The following GNG12 variants were observed in gnomAD, a reference collection of about 807,000 sequenced individuals.
The protein encoded by GNG12 is G protein subunit gamma 12.
For synonymous variants in GNG12, 28 were observed against 29.7 expected, an observed-to-expected ratio of 0.94 and a Z score of 0.19; for missense variants, 69 against 83.8, an observed-to-expected ratio of 0.82 and a Z score of 0.69.
chr1:67,798,961 TATAAATAA>T (rs34151514), intron 1 of GNG12, among the ~76,000 whole-genome samples: 14 of 150,784 alleles, frequency 9.3e-5, no homozygotes, highest in South Asian at 2.1e-4. Context: ...ACAAAAAAAA[TATAAATAA>T]ATAAATAAAT....
At chr1:67,768,238 A>G (rs981804077) in intron 2 of GNG12, among the ~76,000 whole-genome samples, 3 of 152,228 alleles carry the variant, frequency 2.0e-5, no homozygotes, top group Non-Finnish European at 4.4e-5. Context: ...ATTGATGCAG[A>G]AATTGAGGCT....
chr1:67,825,021 G>C (rs1647003926), intron 1 of GNG12, among the ~76,000 whole-genome samples: 1 of 152,190 alleles, frequency 6.6e-6, no homozygotes, highest in South Asian at 2.1e-4. Context: ...TTTGCTCTTG[G>C]ATAAAGCATG....
intron 1 of GNG12, among the ~76,000 whole-genome samples, chr1:67,826,410 C>A (rs1647011114): frequency 6.6e-6 from 1 of 152,224 alleles, no homozygotes; most frequent in South Asian, 2.1e-4. Flanking sequence ...GTGCAGTGAA[C>A]AACCTGTATA....
chr1:67,780,457 C>A (rs960099477), intron 1 of GNG12, among the ~76,000 whole-genome samples: 6 of 152,154 alleles, frequency 3.9e-5, no homozygotes, highest in African/African-American at 1.4e-4. Flanking sequence ...TCTCCCCCAA[C>A]AGGTTTGCAG....
At chr1:67,778,375 A>G (rs1046153926) in intron 1 of GNG12, among the ~76,000 whole-genome samples, 3 of 152,190 alleles carry the variant, frequency 2.0e-5, no homozygotes, top group Non-Finnish European at 4.4e-5. Flanking sequence ...CATACTAGAC[A>G]GCACAGGTCT....
intron 2 of GNG12, among the ~76,000 whole-genome samples, chr1:67,771,019 G>A (rs1333857507): frequency 6.6e-6 from 1 of 152,208 alleles, no homozygotes; most frequent in East Asian, 1.9e-4. Flanking sequence ...GATACAGAGA[G>A]AGAGAGAGAG....
intron 2 of GNG12, among the ~76,000 whole-genome samples, chr1:67,727,960 CCT>C (rs1314032811): frequency 6.6e-6 from 1 of 152,170 alleles, no homozygotes; most frequent in East Asian, 1.9e-4. Flanking sequence ...AGTTGCTTCT[CCT>C]CTTTTTAGTG....
At chr1:67,708,994 C>CCA (rs1646265813) in intron 2 of GNG12, among the ~76,000 whole-genome samples, 1 of 152,232 alleles carries the variant, frequency 6.6e-6, no homozygotes, top group Admixed American at 6.5e-5. Flanking sequence ...CCACGGTGCT[C>CCA]CACACTGAGT....
chr1:67,730,796 C>G (rs1476597222), intron 2 of GNG12, among the ~76,000 whole-genome samples: 3 of 152,210 alleles, frequency 2.0e-5, no homozygotes, highest in Non-Finnish European at 2.9e-5. Flanking sequence ...AACTGTTGCA[C>G]TAAATGCAAC....
intron 1 of GNG12, chr1:67,832,190 G>A (rs372344225): frequency 6.6e-6 from 1 of 152,172 alleles, no homozygotes; most frequent in African/African-American, 2.4e-5. Context: ...ACTCCACACG[G>A]TCTAATAAAT....
At chr1:67,723,900 A>G (rs1259455983) in intron 2 of GNG12, among the ~76,000 whole-genome samples, 1 of 152,254 alleles carries the variant, frequency 6.6e-6, no homozygotes, top group Admixed American at 6.5e-5. Context: ...AAAAGGAAGT[A>G]GAGGGCAAGA....
chr1:67,785,479 T>C (rs1646762565), intron 1 of GNG12, among the ~76,000 whole-genome samples: 1 of 152,128 alleles, frequency 6.6e-6, no homozygotes, highest in Admixed American at 6.6e-5. Flanking sequence ...TCACAGATAT[T>C]TGGGAATGTG....
At chr1:67,735,255 C>T (rs544481435) in intron 2 of GNG12, among the ~76,000 whole-genome samples, 6 of 152,308 alleles carry the variant, frequency 3.9e-5, no homozygotes, top group South Asian at 4.1e-4. Flanking sequence ...ACTTCTTTCA[C>T]GCAAGACTTC....
At chr1:67,720,733 A>C (rs186844444) in intron 2 of GNG12, among the ~76,000 whole-genome samples, 82 of 152,354 alleles carry the variant, frequency 5.4e-4, no homozygotes, top group Non-Finnish European at 9.7e-4. Context: ...CAAATAATTT[A>C]AACAGTCTAA....
chr1:67,781,641 T>C (rs1328608265), intron 1 of GNG12, among the ~76,000 whole-genome samples: 1 of 152,050 alleles, frequency 6.6e-6, no homozygotes, highest in Non-Finnish European at 1.5e-5. Flanking sequence ...GAAGAGGCAA[T>C]AGTGAACAAA....
In GNG12 at chr1:67,727,530, C is replaced by T. The variant is rs11801504; in HGVS notation, c.-26-19818G>A. Among the ~76,000 whole-genome samples, 127 of 152,238 alleles carry T rather than the reference C, an allele frequency of 8.3e-4. 1 individual carries two copies. Among genetic ancestry groups the T allele is most frequent in the African/African-American group, 3.0e-3 (124 of 41,518 alleles). ...GTCAGCATTTACAAATGAGCAGATC[C>T]GGCATTCGCATGATCTCTGGATGCA... is the stretch of plus-strand genomic sequence containing the variant. On this transcript the variant is annotated intron_variant, in intron 2 of 3. Transcript: ENST00000370982.
chr1:67,822,480 T>G (rs1646989902), intron 1 of GNG12, among the ~76,000 whole-genome samples: 1 of 152,126 alleles, frequency 6.6e-6, no homozygotes. Context: ...AAGCTGACAC[T>G]GCAGTGAGGT....
At chr1:67,726,415 A>G (rs1282310479) in intron 2 of GNG12, among the ~76,000 whole-genome samples, 1 of 152,228 alleles carries the variant, frequency 6.6e-6, no homozygotes, top group Non-Finnish European at 1.5e-5. Flanking sequence ...ATTCTTTTTC[A>G]TAATTCAGGA....
chr1:67,823,241 T>G (rs533204548), intron 1 of GNG12, among the ~76,000 whole-genome samples: 2 of 152,354 alleles, frequency 1.3e-5, no homozygotes, highest in South Asian at 4.1e-4. Context: ...ATGTATATAT[T>G]CTCAATCTCT....
Sources: allele counts gnomAD v4.1 joint callset (sites outside exome capture counted in the v4.1 genomes callset), GRCh38; gene constraint gnomAD v4.1.1; transcripts MANE v1.5; gene names NCBI Gene and HGNC (gene_info 2026-07-23, HGNC 2026-07-21).